The following MEI4 variants were observed in gnomAD, a reference collection of about 807,000 sequenced individuals.
The protein encoded by MEI4 is meiotic double-stranded break formation protein 4.
MEI4 carries 27 observed loss-of-function variants against 31.4 expected under a neutral mutation model. The observed-to-expected ratio is 0.86, with a 90% CI of 0.63 to 1.19. The LOEUF is 1.19. MEI4 is among the 50% of genes most tolerant of loss of function. MEI4 has a pLI of 0.00. For synonymous variants in MEI4, 122 were observed against 145.4 expected, an observed-to-expected ratio of 0.84 and a Z score of 1.16; for missense variants, 329 against 398.9, an observed-to-expected ratio of 0.82 and a Z score of 1.49.
chr6:77,832,589 T>C (rs532931118), intron 4 of MEI4, among the ~76,000 whole-genome samples: 1 of 152,218 alleles, frequency 6.6e-6, no homozygotes, highest in East Asian at 1.9e-4. Flanking sequence ...TTTTATGTTA[T>C]GTCATTTAAT....
chr6:77,770,326 A>T (rs371909770), intron 3 of MEI4, among the ~76,000 whole-genome samples: 4 of 152,228 alleles, frequency 2.6e-5, no homozygotes, highest in African/African-American at 9.6e-5. Context: ...TGGAGCCCTA[A>T]TACAAAGTTT....
intron 4 of MEI4, among the ~76,000 whole-genome samples, chr6:77,833,121 C>T (rs1294506950): frequency 6.6e-6 from 1 of 151,734 alleles, no homozygotes; most frequent in East Asian, 1.9e-4. Flanking sequence ...AATAGGTTAA[C>T]ATTAAGAAAA....
At chr6:77,806,008 A>C (rs557085531) in intron 3 of MEI4, among the ~76,000 whole-genome samples, 53 of 152,214 alleles carry the variant, frequency 3.5e-4, no homozygotes, top group African/African-American at 1.2e-3. Flanking sequence ...GATGAAAATA[A>C]CCTGACCTCT....
intron 3 of MEI4, among the ~76,000 whole-genome samples, chr6:77,763,050 C>T (rs991838479): frequency 2.0e-5 from 3 of 151,968 alleles, no homozygotes; most frequent in African/African-American, 7.3e-5. Flanking sequence ...CTGAATGATG[C>T]AAATATTTTT....
intron 3 of MEI4, among the ~76,000 whole-genome samples, chr6:77,792,659 G>T (rs1249449091): frequency 2.6e-5 from 4 of 151,380 alleles, no homozygotes; most frequent in Non-Finnish European, 5.9e-5. Context: ...TGTATATGAT[G>T]TGAGATAAGG....
Position 77,831,996 on chromosome 6 carries a change from G to A in MEI4, c.900+2934G>A, listed in dbSNP as rs142049846. Among the ~76,000 whole-genome samples, 707 of 151,928 alleles carry A rather than the reference G, an allele frequency of 4.7e-3. 5 individuals carry two copies. The highest frequency in any genetic ancestry group is 0.017 in the African/African-American group (689 of 41,500). On this transcript the variant is annotated intron_variant, in intron 4 of 4. Transcript: ENST00000684080. ...CCAATAACCCTGATTTGATAATTACGCATTGTATACATGTATGAAAATATC... is the reference window on the plus strand; with the variant it reads ...CCAATAACCCTGATTTGATAATTACACATTGTATACATGTATGAAAATATC...
chr6:77,748,898 C>T (rs1767690444), intron 2 of MEI4, among the ~76,000 whole-genome samples: 1 of 152,124 alleles, frequency 6.6e-6, no homozygotes, highest in Non-Finnish European at 1.5e-5. Flanking sequence ...GCAGATGCCC[C>T]TCTGGGATGA....
At chr6:77,895,835 C>A (rs1015117187) in intron 4 of MEI4, among the ~76,000 whole-genome samples, 2 of 152,084 alleles carry the variant, frequency 1.3e-5, no homozygotes, top group Non-Finnish European at 2.9e-5. Context: ...GTACCGCCAG[C>A]TGAGTTAGTC....
At chr6:77,805,686 C>T (rs377662720) in intron 3 of MEI4, among the ~76,000 whole-genome samples, 1 of 151,868 alleles carries the variant, frequency 6.6e-6, no homozygotes, top group African/African-American at 2.4e-5. Context: ...AGGATTATTG[C>T]TTCAAGGAAA....
intron 1 of MEI4, among the ~76,000 whole-genome samples, chr6:77,667,775 T>G (rs1768665888): frequency 6.6e-6 from 1 of 151,930 alleles, no homozygotes; most frequent in South Asian, 2.1e-4. Context: ...GGGGGAAGGA[T>G]GTATTCCTCA....
At chr6:77,893,099 A>G (rs933693785) in intron 4 of MEI4, among the ~76,000 whole-genome samples, 1 of 151,728 alleles carries the variant, frequency 6.6e-6, no homozygotes, top group Non-Finnish European at 1.5e-5. Context: ...TTCTCTTTCC[A>G]TGCTTTAGAG....
intron 4 of MEI4, among the ~76,000 whole-genome samples, chr6:77,897,102 A>G (rs1766097755): frequency 6.6e-6 from 1 of 152,026 alleles, no homozygotes; most frequent in South Asian, 2.1e-4. Flanking sequence ...AGAAAGGTTA[A>G]ATAACTTTCC....
chr6:77,795,549 A>G (rs12195081), intron 3 of MEI4, among the ~76,000 whole-genome samples: 25,705 of 101,628 alleles, frequency 0.25, 2,776 homozygotes, highest in Non-Finnish European at 0.28. Context: ...TTCAGCTAGA[A>G]GAAGTGAAAA....
chr6:77,845,962 A>C (rs930312282), intron 4 of MEI4, among the ~76,000 whole-genome samples: 2 of 151,390 alleles, frequency 1.3e-5, no homozygotes, highest in Non-Finnish European at 2.9e-5. Flanking sequence ...TGTGGGGTTT[A>C]TAGAGCTCCA....
chr6:77,916,870 T>G (rs1766567220), intron 4 of MEI4, among the ~76,000 whole-genome samples: 1 of 151,802 alleles, frequency 6.6e-6, no homozygotes, highest in South Asian at 2.1e-4. Context: ...CTGCACCCAC[T>G]AACTCGTCAT....
Position 77,910,382 on chromosome 6 carries a change from G to A in MEI4, c.901-12707G>A, listed in dbSNP as rs1581972260. Among the ~76,000 whole-genome samples the A allele has an allele frequency of 2.0e-5, 3 of 152,236 alleles. No homozygotes were observed. In the South Asian group the frequency reaches 6.2e-4, roughly 32 times the overall value. On this transcript the variant is annotated intron_variant, in intron 4 of 4. Coordinates refer to ENST00000684080, the MANE Select transcript of MEI4 (RefSeq NM_001322247.2). ...AAGTCTCAAGATTCAAAATCAATGTGCAAAAATCACAAGCATTCTTATACA... is the reference window on the plus strand; with the variant it reads ...AAGTCTCAAGATTCAAAATCAATGTACAAAAATCACAAGCATTCTTATACA...
At chr6:77,751,822 A>C (rs1767782632) in intron 2 of MEI4, among the ~76,000 whole-genome samples, 1 of 152,140 alleles carries the variant, frequency 6.6e-6, no homozygotes, top group South Asian at 2.1e-4. Context: ...AAAAAAGAAA[A>C]TTTCAGGCCA....
At chr6:77,782,291 G>A (rs975115137) in intron 3 of MEI4, among the ~76,000 whole-genome samples, 1 of 152,028 alleles carries the variant, frequency 6.6e-6, no homozygotes, top group African/African-American at 2.4e-5. Flanking sequence ...TTCATTATCA[G>A]CCTATAAGAC....
intron 4 of MEI4, among the ~76,000 whole-genome samples, chr6:77,893,828 T>A (rs999136972): frequency 1.3e-5 from 2 of 152,180 alleles, no homozygotes; most frequent in Admixed American, 6.6e-5. Context: ...AGGAAGATTA[T>A]AAAAATAGTT....
Sources: gnomAD v4.1 joint callset for allele counts (sites outside exome capture counted in the v4.1 genomes callset) on GRCh38, gnomAD v4.1.1 for gene constraint, MANE v1.5 for transcripts, NCBI Gene and HGNC (gene_info 2026-07-23, HGNC 2026-07-21) for gene names.